PRKG1: variants seen among roughly 807,000 people sequenced by gnomAD.
PRKG1 encodes the protein protein kinase cGMP-dependent 1.
A neutral mutation model predicts 88.1 loss-of-function variants in PRKG1; 35 were observed. The observed-to-expected ratio is 0.40, with a 90% CI of 0.30 to 0.53. The LOEUF (loss-of-function observed/expected upper bound fraction) is 0.53. Ranked by LOEUF, PRKG1 falls within the 20% of genes least tolerant of loss-of-function variation. The pLI is 0.59. For synonymous variants in PRKG1, 303 were observed against 292.5 expected, an observed-to-expected ratio of 1.04 and a Z score of -0.37; for missense variants, 540 against 839.8, an observed-to-expected ratio of 0.64 and a Z score of 4.41.
At chr10:51,479,081 T>C (rs1428462010) in intron 3 of PRKG1, among the ~76,000 whole-genome samples, 1 of 151,992 alleles carries the variant, frequency 6.6e-6, no homozygotes, top group Non-Finnish European at 1.5e-5. Context: ...AATCTTTTAT[T>C]TACTCATTAT....
chr10:51,504,973 T>C (rs1473180973), intron 3 of PRKG1, among the ~76,000 whole-genome samples: 1 of 152,160 alleles, frequency 6.6e-6, no homozygotes, highest in Non-Finnish European at 1.5e-5. Context: ...TTCCTTCTCC[T>C]GCCTAATTGC....
At chr10:51,656,410 A>G (rs994327465) in intron 3 of PRKG1, among the ~76,000 whole-genome samples, 1 of 152,098 alleles carries the variant, frequency 6.6e-6, no homozygotes, top group Non-Finnish European at 1.5e-5. Flanking sequence ...CATTCATTCA[A>G]AAAACTTTGT....
At chr10:51,403,283 T>C (rs1469559883) in intron 2 of PRKG1, among the ~76,000 whole-genome samples, 1 of 152,220 alleles carries the variant, frequency 6.6e-6, no homozygotes, top group African/African-American at 2.4e-5. Context: ...GAGCTACATA[T>C]GGCATGTTAA....
chr10:51,178,155 C>T (rs149773228), intron 2 of PRKG1, among the ~76,000 whole-genome samples: 49 of 151,380 alleles, frequency 3.2e-4, no homozygotes, highest in African/African-American at 8.3e-4. Context: ...AATGTTTCTA[C>T]GTAGATATAT....
At chr10:51,550,996 A>G (rs909862576) in intron 3 of PRKG1, among the ~76,000 whole-genome samples, 1 of 151,952 alleles carries the variant, frequency 6.6e-6, no homozygotes, top group Non-Finnish European at 1.5e-5. Flanking sequence ...TAAGAAATAC[A>G]TGTCCAAATT....
chr10:52,246,203 T>G (rs1302796828), intron 9 of PRKG1, among the ~76,000 whole-genome samples: 1 of 152,180 alleles, frequency 6.6e-6, no homozygotes, highest in Admixed American at 6.5e-5. Context: ...ACATCAAGAA[T>G]GGAAAACAAT....
intron 2 of PRKG1, among the ~76,000 whole-genome samples, chr10:51,175,352 C>A (rs1054087269): frequency 3.3e-5 from 5 of 151,988 alleles, no homozygotes; most frequent in Non-Finnish European, 7.4e-5. Flanking sequence ...CATACACACA[C>A]ATTAGTTTCT....
intron 2 of PRKG1, among the ~76,000 whole-genome samples, chr10:51,460,080 A>G (rs747604857): frequency 1.1e-4 from 16 of 152,168 alleles, no homozygotes; most frequent in Non-Finnish European, 1.9e-4. Context: ...TTGTGGGGGC[A>G]CTATCTTCTG....
At chr10:51,288,326 T>C (rs1197776797) in intron 2 of PRKG1, among the ~76,000 whole-genome samples, 1 of 152,166 alleles carries the variant, frequency 6.6e-6, no homozygotes, top group African/African-American at 2.4e-5. Context: ...AGAGTATAAA[T>C]GTGTTACTGA....
intron 2 of PRKG1, among the ~76,000 whole-genome samples, chr10:51,232,259 G>A (rs1838864623): frequency 6.6e-6 from 1 of 152,164 alleles, no homozygotes; most frequent in African/African-American, 2.4e-5. Flanking sequence ...GTGCTAGTTT[G>A]TTGGCAAAAC....
intron 3 of PRKG1, among the ~76,000 whole-genome samples, chr10:51,516,478 G>T (rs987935029): frequency 2.0e-5 from 3 of 152,124 alleles, no homozygotes; most frequent in African/African-American, 4.8e-5. Context: ...GGCACACAGG[G>T]ATAGAAGTTC....
chr10:51,903,809 C>T (rs372813024), intron 4 of PRKG1, among the ~76,000 whole-genome samples: 63 of 152,092 alleles, frequency 4.1e-4, no homozygotes, highest in African/African-American at 1.5e-3. Context: ...AAGCAATCAA[C>T]TCCACCATCA....
At chr10:52,271,823 C>A (rs543882693) in intron 11 of PRKG1, among the ~76,000 whole-genome samples, 2 of 151,998 alleles carry the variant, frequency 1.3e-5, no homozygotes, top group African/African-American at 4.8e-5. Context: ...ACTATTTAAC[C>A]TTTAATTATC....
intron 2 of PRKG1, among the ~76,000 whole-genome samples, chr10:51,460,232 C>T (rs1233382355): frequency 6.6e-6 from 1 of 152,052 alleles, no homozygotes; most frequent in Non-Finnish European, 1.5e-5. Flanking sequence ...CATTATATTA[C>T]ATACTCACCC....
At chr10:52,209,610 T>C (rs548935385) in intron 9 of PRKG1, among the ~76,000 whole-genome samples, 3 of 152,306 alleles carry the variant, frequency 2.0e-5, no homozygotes, top group East Asian at 3.9e-4. Context: ...TCTTGACATA[T>C]GTTTTTTGCC....
At chr10:52,079,298 T>C (rs991257356) in intron 7 of PRKG1, among the ~76,000 whole-genome samples, 1 of 152,178 alleles carries the variant, frequency 6.6e-6, no homozygotes, top group East Asian at 1.9e-4. Flanking sequence ...TGGTTTTTTT[T>C]CATCATATCC....
intron 8 of PRKG1, among the ~76,000 whole-genome samples, chr10:52,156,660 G>T (rs892032802): frequency 6.6e-6 from 1 of 151,672 alleles, no homozygotes; most frequent in Admixed American, 6.6e-5. Context: ...TAAGAATTAT[G>T]ATTGTCCCGT....
chr10:51,444,065 T>G (rs1340302626), intron 2 of PRKG1, among the ~76,000 whole-genome samples: 1 of 149,636 alleles, frequency 6.7e-6, no homozygotes, highest in Non-Finnish European at 1.5e-5. Context: ...CTTTCTTACA[T>G]AAAGAACCAT....
chr10:51,809,306 C>G (rs1456734007), intron 4 of PRKG1, among the ~76,000 whole-genome samples: 1 of 151,046 alleles, frequency 6.6e-6, no homozygotes, highest in Non-Finnish European at 1.5e-5. Flanking sequence ...AAAAGGTATT[C>G]AAAGGGCAGT....
Sources: allele counts gnomAD v4.1 joint callset (sites outside exome capture counted in the v4.1 genomes callset), GRCh38; gene constraint gnomAD v4.1.1; transcripts MANE v1.5; gene names NCBI Gene and HGNC (gene_info 2026-07-23, HGNC 2026-07-21).